Variants in RNLS observed in about 807,000 individuals in gnomAD.
RNLS encodes renalase, FAD dependent amine oxidase, also known as renalase.
A neutral mutation model predicts 39.8 loss-of-function variants in RNLS; 39 were observed. The observed-to-expected ratio is 0.98, with a 90% CI of 0.76 to 1.28. The LOEUF (loss-of-function observed/expected upper bound fraction) is 1.28. RNLS is among the 50% of genes most tolerant of loss of function. RNLS has a pLI of 0.00. For synonymous variants in RNLS, 147 were observed against 150.7 expected (o/e 0.98, Z 0.18); for missense variants, 410 against 413.3 (o/e 0.99, Z 0.07).
chr10:88,244,215 G>A, the RNLS span, among the ~76,000 whole-genome samples: 1 of 152,136 alleles, frequency 6.6e-6, no homozygotes, highest in East Asian at 1.9e-4. Flanking sequence ...ATATTCCAGT[G>A]ACACACACCA....
At chr10:88,359,956 G>C (rs1444905922) in intron 5 of RNLS, among the ~76,000 whole-genome samples, 1 of 152,062 alleles carries the variant, frequency 6.6e-6, no homozygotes, top group Non-Finnish European at 1.5e-5. Context: ...TTTTAATCTG[G>C]CTTCACCAAA....
At chr10:88,302,369 G>A (rs1844593370) in intron 6 of RNLS, among the ~76,000 whole-genome samples, 1 of 152,152 alleles carries the variant, frequency 6.6e-6, no homozygotes, top group Admixed American at 6.5e-5. Flanking sequence ...ACAATTGATT[G>A]TTGTCTTTCA....
In RNLS at chr10:88,558,601, G is replaced by T. The variant is rs114275991; in HGVS notation, c.526+14302C>A. 7.1e-3 allele frequency among the ~76,000 whole-genome samples: 1,084 copies of T among 152,210 alleles called. 5 individuals carry two copies. The highest frequency in any genetic ancestry group is 0.048 in the Middle Eastern group (14 of 294). ...CACCCTAAACTCCAAGATGATGGAA[G>T]TCTCCGCTGTTTCTACTGATGTCCC... is the stretch of plus-strand genomic sequence containing the variant. On this transcript the variant is annotated intron_variant, in intron 4 of 6. Coordinates refer to ENST00000331772, the MANE Select transcript of RNLS (RefSeq NM_001031709.3).
At chr10:88,567,611 CTA>C (rs1318481934) in intron 4 of RNLS, among the ~76,000 whole-genome samples, 1 of 152,154 alleles carries the variant, frequency 6.6e-6, no homozygotes, top group East Asian at 1.9e-4. Context: ...TGGCAACAAA[CTA>C]GAAGTAGATT....
At chr10:88,370,334 A>G (rs1222038118) in intron 4 of RNLS, among the ~76,000 whole-genome samples, 4 of 152,198 alleles carry the variant, frequency 2.6e-5, no homozygotes, top group African/African-American at 9.6e-5. Context: ...TAAAAAGTGT[A>G]TCAAGGTATT....
At chr10:88,183,217 A>G in the RNLS span, among the ~76,000 whole-genome samples, 1 of 152,106 alleles carries the variant, frequency 6.6e-6, no homozygotes, top group Admixed American at 6.6e-5. Context: ...TGGATGTGGA[A>G]GAGAGAAAGA....
At chr10:88,465,245 A>G (rs773857806) in intron 4 of RNLS, among the ~76,000 whole-genome samples, 1 of 152,148 alleles carries the variant, frequency 6.6e-6, no homozygotes, top group Non-Finnish European at 1.5e-5. Context: ...CTAGAATGCC[A>G]GCAACTGAAT....
chr10:88,565,147 T>C (rs369966999), intron 4 of RNLS, among the ~76,000 whole-genome samples: 20 of 152,358 alleles, frequency 1.3e-4, no homozygotes, highest in African/African-American at 4.6e-4. Context: ...CTAATGGGCC[T>C]AAATTTATTT....
At chr10:88,400,929 T>C (rs1156929402) in intron 4 of RNLS, among the ~76,000 whole-genome samples, 1 of 152,006 alleles carries the variant, frequency 6.6e-6, no homozygotes, top group African/African-American at 2.4e-5. Context: ...TACTATTCAA[T>C]ATAATTTATT....
At chr10:88,304,599 A>G (rs2132980681) in intron 6 of RNLS, among the ~76,000 whole-genome samples, 1 of 152,354 alleles carries the variant, frequency 6.6e-6, no homozygotes, top group Admixed American at 6.5e-5. Flanking sequence ...CTCGGCGCTT[A>G]AAGACTGGCT....
intron 6 of RNLS, among the ~76,000 whole-genome samples, chr10:88,287,500 G>GT (rs1843355009): frequency 6.6e-6 from 1 of 152,096 alleles, no homozygotes; most frequent in Non-Finnish European, 1.5e-5. Flanking sequence ...AAAACGGCTA[G>GT]GATTCTAGAT....
the RNLS span, among the ~76,000 whole-genome samples, chr10:88,211,352 A>G: frequency 1.3e-5 from 2 of 152,200 alleles, no homozygotes; most frequent in African/African-American, 4.8e-5. Flanking sequence ...TTTTGTGCTT[A>G]GAGTACAGTG....
chr10:88,182,154 CTT>C, the RNLS span, among the ~76,000 whole-genome samples: 1 of 152,102 alleles, frequency 6.6e-6, no homozygotes, highest in African/African-American at 2.4e-5. Flanking sequence ...CTAACTGCCT[CTT>C]TTATGAGCCT....
chr10:88,351,883 G>C (rs919075444), intron 5 of RNLS, among the ~76,000 whole-genome samples: 1 of 152,298 alleles, frequency 6.6e-6, no homozygotes, highest in East Asian at 1.9e-4. Context: ...ATTTTGTTGA[G>C]TAGTGGTTTG....
At chr10:88,251,440 T>C in the RNLS span, among the ~76,000 whole-genome samples, 2 of 152,242 alleles carry the variant, frequency 1.3e-5, no homozygotes, top group Non-Finnish European at 2.9e-5. Flanking sequence ...AGCTCTTTTA[T>C]CATTGATTAA....
At chr10:88,265,369 T>A in the RNLS span, among the ~76,000 whole-genome samples, 1 of 146,646 alleles carries the variant, frequency 6.8e-6, no homozygotes, top group Non-Finnish European at 1.5e-5. Flanking sequence ...AATTTTAGGA[T>A]TTTTTTCTAG....
chr10:88,549,066 A>C (rs1848484019), intron 4 of RNLS, among the ~76,000 whole-genome samples: 1 of 152,174 alleles, frequency 6.6e-6, no homozygotes, highest in Non-Finnish European at 1.5e-5. Context: ...TGAATGCCTC[A>C]AGGACTATTG....
At chr10:88,227,440 C>T in the RNLS span, among the ~76,000 whole-genome samples, 5 of 152,310 alleles carry the variant, frequency 3.3e-5, no homozygotes, top group East Asian at 3.8e-4. Context: ...GCTATGGTAG[C>T]GATGAACCCA....
At chr10:88,354,915 AT>A (rs1452273207) in intron 5 of RNLS, among the ~76,000 whole-genome samples, 1 of 151,834 alleles carries the variant, frequency 6.6e-6, no homozygotes, top group Admixed American at 6.6e-5. Context: ...GTTTGTTTCT[AT>A]TTATTCTTTT....
Sources: allele counts gnomAD v4.1 joint callset (sites outside exome capture counted in the v4.1 genomes callset), GRCh38; gene constraint gnomAD v4.1.1; transcripts MANE v1.5; gene names NCBI Gene and HGNC (gene_info 2026-07-23, HGNC 2026-07-21).